UBR2: variants seen among roughly 807,000 people sequenced by gnomAD.
UBR2 encodes the protein E3 ubiquitin-protein ligase UBR2.
A neutral mutation model predicts 247.9 loss-of-function variants in UBR2; 92 were observed. The observed-to-expected ratio is 0.37, with a 90% CI of 0.31 to 0.44. The LOEUF is 0.44. UBR2 is among the 20% of genes least tolerant of loss of function. UBR2 has a pLI of 1.00. For missense variants in UBR2, 1,613 were observed against 2,112.6 expected (o/e 0.76, Z 4.64); for synonymous variants, 672 against 693.5 (o/e 0.97, Z 0.49).
intron 25 of UBR2, 45 bp from the exon 26 acceptor site, chr6:42,655,576 T>A (rs1437869539): frequency 1.3e-5 from 15 of 1,182,408 alleles, no homozygotes; most frequent in Non-Finnish European, 1.7e-5. Flanking sequence ...AATATGTACT[T>A]GATTTTTTAA....
intron 4 of UBR2, among the ~76,000 whole-genome samples, chr6:42,596,313 T>G (rs1053897923): frequency 6.6e-6 from 1 of 151,674 alleles, no homozygotes; most frequent in African/African-American, 2.4e-5. Flanking sequence ...GAGATACTGC[T>G]TCACCCTCAG....
chr6:42,590,592 G>T (rs1187465808), intron 2 of UBR2, among the ~76,000 whole-genome samples: 1 of 152,108 alleles, frequency 6.6e-6, no homozygotes, highest in Non-Finnish European at 1.5e-5. Flanking sequence ...GACACAAATA[G>T]ACATTGTATG....
chr6:42,605,673 AAGATAATAAACAAAT>A (rs1793652815), intron 5 of UBR2, 33 bp from the exon 6 acceptor site: 3 of 1,555,966 alleles, frequency 1.9e-6, no homozygotes, highest in Non-Finnish European at 2.6e-6. Flanking sequence ...AGCCTGGAGC[AAGATAATAAACAAAT>A]AGATAATATA....
At chr6:42,646,653 A>G (rs1796769498) in intron 21 of UBR2, among the ~76,000 whole-genome samples, 1 of 152,120 alleles carries the variant, frequency 6.6e-6, no homozygotes, top group African/African-American at 2.4e-5. Flanking sequence ...ACTGCTAAAC[A>G]TCCTACAATA....
At chr6:42,668,605 A>C (rs1798256250) in intron 34 of UBR2, among the ~76,000 whole-genome samples, 1 of 151,028 alleles carries the variant, frequency 6.6e-6, no homozygotes, top group Non-Finnish European at 1.5e-5. Context: ...ACACCTGGCT[A>C]ATTTTTGTAT....
rs987721292 is a variant in UBR2, at chr6:42,573,717, C to G, written c.79-17C>G. On this transcript the variant is annotated splice_polypyrimidine_tract_variant and intron_variant, in intron 1 of 46. Coordinates refer to ENST00000372901, the MANE Select transcript of UBR2 (RefSeq NM_001363705.2). ...GTTGGTGTTTAAAACCATTTCTTCT[C>G]TTTTCTTCTTTTAAAGAAATGGCTG... The G allele has an allele frequency of 1.3e-6, 2 of 1,494,118 alleles. No individual in the cohort carries two copies. Among genetic ancestry groups the G allele is most frequent in the Middle Eastern group, 1.8e-4 (1 of 5,630 alleles). 92.6% of individuals were successfully genotyped at this position (1,494,118 alleles called of 1,614,324 possible).
Position 42,679,846 on chromosome 6 carries a change from A to C in UBR2, c.4718+14A>C. 6.3e-7 allele frequency: 1 copy of C among 1,577,052 alleles called. No individual in the cohort carries two copies. Among genetic ancestry groups the C allele is most frequent in the Non-Finnish European group, 8.7e-7 (1 of 1,153,574 alleles). ...ACTGATTGAAAGGTAATGATTATATACTTTTCTTTGTTGTATTAAATAGCT... is the reference window on the plus strand; with the variant it reads ...ACTGATTGAAAGGTAATGATTATATCCTTTTCTTTGTTGTATTAAATAGCT... On this transcript the variant is annotated intron_variant, in intron 42 of 46. Coordinates refer to ENST00000372901, the MANE Select transcript of UBR2 (RefSeq NM_001363705.2).
At chr6:42,611,121 C>T (rs958227257) in intron 7 of UBR2, among the ~76,000 whole-genome samples, 19 of 143,824 alleles carry the variant, frequency 1.3e-4, no homozygotes, top group African/African-American at 4.9e-4. Flanking sequence ...GCTGGGATTA[C>T]AGGTGTGAGC....
chr6:42,658,558 T>C, intron 28 of UBR2, 88 bp from the exon 29 acceptor site: 1 of 1,279,396 alleles, frequency 7.8e-7, no homozygotes, highest in Admixed American at 3.0e-5. Flanking sequence ...AGTTTTTTAA[T>C]TGGTATTTAC....
At chr6:42,628,019 G>T (rs1267337147) in intron 11 of UBR2, among the ~76,000 whole-genome samples, 2 of 151,674 alleles carry the variant, frequency 1.3e-5, no homozygotes, top group African/African-American at 4.8e-5. Flanking sequence ...TTTTTTCTTG[G>T]GATCTTAAAT....
chr6:42,675,972 A>G, intron 38 of UBR2, 84 bp from the exon 39 acceptor site: 1 of 1,496,380 alleles, frequency 6.7e-7, no homozygotes, highest in Non-Finnish European at 8.9e-7. Context: ...AAAAATCAAA[A>G]TAAAAGTAAA....
chr6:42,616,172 C>A, intron 10 of UBR2, 82 bp downstream of exon 10: 1 of 828,798 alleles, frequency 1.2e-6, no homozygotes, highest in Non-Finnish European at 1.8e-6. Flanking sequence ...AAAAAATTAA[C>A]ATCTAATAGT....
chr6:42,670,874 T>C (rs996167154), intron 36 of UBR2, among the ~76,000 whole-genome samples, 159 bp downstream of exon 36: 1 of 152,146 alleles, frequency 6.6e-6, no homozygotes, highest in African/African-American at 2.4e-5. Context: ...ATGTTTGTGG[T>C]TTAATCTTTC....
rs971178433 is a variant in UBR2, at chr6:42,659,594, A to G, written c.3243-62A>G. ...CACACACACATACCTGTAGTCTGCT[A>G]TTTTGTGATTATATAGAAAGTTTTG... On this transcript the variant is annotated intron_variant, in intron 29 of 46. Transcript: ENST00000372901. This position sits in a 1 kb window ranked among gnomAD's most constrained non-coding sequence, Gnocchi z 4.3. 1.1e-5 allele frequency: 16 copies of G among 1,434,080 alleles called. No individual in the cohort carries two copies. The African/African-American group carries it at 2.1e-4, about 19-fold the overall frequency. 88.8% of individuals were successfully genotyped at this position (1,434,080 alleles called of 1,614,324 possible). A position where few individuals can be genotyped will look rare whatever the true frequency, so the allele number is the denominator to read the frequency against.
At chr6:42,593,437 A>C (rs1792789227) in intron 3 of UBR2, among the ~76,000 whole-genome samples, 1 of 152,196 alleles carries the variant, frequency 6.6e-6, no homozygotes, top group African/African-American at 2.4e-5. Flanking sequence ...ACAAATACTT[A>C]CTTTGGGCAG....
chr6:42,585,144 T>A (rs1207200990), intron 2 of UBR2, among the ~76,000 whole-genome samples: 1 of 152,142 alleles, frequency 6.6e-6, no homozygotes, highest in African/African-American at 2.4e-5. Context: ...CCTAGGTTTT[T>A]AAAAAAATCA....
At chr6:42,615,437 G>A (rs1794482982) in intron 9 of UBR2, among the ~76,000 whole-genome samples, 1 of 152,062 alleles carries the variant, frequency 6.6e-6, no homozygotes, top group African/African-American at 2.4e-5. Context: ...TTGTGCTAAG[G>A]AAAATATGTA....
intron 1 of UBR2, among the ~76,000 whole-genome samples, chr6:42,567,139 G>A (rs1190804235): frequency 2.0e-5 from 3 of 152,118 alleles, no homozygotes; most frequent in Non-Finnish European, 4.4e-5. Context: ...CACCTAATGA[G>A]CACTAGTGTC....
At chr6:42,629,462 T>G (rs2151948787) in intron 11 of UBR2, among the ~76,000 whole-genome samples, 1 of 152,260 alleles carries the variant, frequency 6.6e-6, no homozygotes, top group African/African-American at 2.4e-5. Flanking sequence ...AAGATCAGCC[T>G]AGACAACTTG....
Sources: gnomAD v4.1 joint callset for allele counts (sites outside exome capture counted in the v4.1 genomes callset) on GRCh38, gnomAD v4.1.1 for gene constraint, Gnocchi (gnomAD v3.1) non-coding constraint, MANE v1.5 for transcripts, NCBI Gene and HGNC (gene_info 2026-07-23, HGNC 2026-07-21) for gene names.